GRM7: variants seen among roughly 807,000 people sequenced by gnomAD.
GRM7 encodes glutamate metabotropic receptor 7.
Under a neutral mutation model 84.5 loss-of-function variants are expected in GRM7, and 35 were observed. The ratio of observed to expected loss-of-function variants is 0.41; its 90% CI spans 0.32 to 0.55. The LOEUF (loss-of-function observed/expected upper bound fraction) is 0.55, where lower values mean the gene tolerates loss of function less well. Among genes scored for constraint, GRM7 ranks in the 20% least tolerant of loss-of-function variants. The probability of loss-of-function intolerance (pLI) is 0.19; values close to 1 mark genes in which losing one functional copy is unlikely to be tolerated. For missense variants in GRM7, 1,003 were observed against 1,194.6 expected (o/e 0.84, Z 2.36); for synonymous variants, 487 against 455.1 (o/e 1.07, Z -0.89).
chr3:7,316,010 CTCA>C (rs1334250809), intron 4 of GRM7, among the ~76,000 whole-genome samples: 1 of 152,060 alleles, frequency 6.6e-6, no homozygotes, highest in Non-Finnish European at 1.5e-5. Flanking sequence ...TCAAGATACT[CTCA>C]TCAAGATGTC....
At chr3:7,738,625 TG>T (rs1702581287) in intron 9 of GRM7, among the ~76,000 whole-genome samples, 1 of 152,238 alleles carries the variant, frequency 6.6e-6, no homozygotes, top group Non-Finnish European at 1.5e-5. Flanking sequence ...AATTCATTTT[TG>T]TTTTTACTAG....
intron 1 of GRM7, among the ~76,000 whole-genome samples, chr3:7,023,471 C>T (rs992933966): frequency 1.3e-5 from 2 of 152,086 alleles, no homozygotes. Flanking sequence ...GTTGGGGCAT[C>T]ATTTTCTGTG....
At chr3:6,944,041 C>T (rs1168952416) in intron 1 of GRM7, among the ~76,000 whole-genome samples, 1 of 151,874 alleles carries the variant, frequency 6.6e-6, no homozygotes, top group African/African-American at 2.4e-5. Flanking sequence ...TTTTGCAATT[C>T]TCATAAACTC....
chr3:7,572,505 G>T (rs1040730208), intron 7 of GRM7, among the ~76,000 whole-genome samples: 4 of 151,838 alleles, frequency 2.6e-5, no homozygotes, highest in African/African-American at 4.8e-5. Context: ...GATGCCCAGG[G>T]TCTACTGCAG....
chr3:7,695,678 A>G (rs1301047151), intron 9 of GRM7, among the ~76,000 whole-genome samples: 2 of 152,142 alleles, frequency 1.3e-5, no homozygotes, highest in Non-Finnish European at 1.5e-5. Context: ...TGATGTGGCC[A>G]TGTTGCCTAC....
chr3:7,222,776 T>A (rs1696853018), intron 2 of GRM7, among the ~76,000 whole-genome samples: 1 of 152,222 alleles, frequency 6.6e-6, no homozygotes. Flanking sequence ...ATCCTAGATT[T>A]GTTGGTTTAT....
chr3:7,423,978 C>T (rs1649407751), intron 5 of GRM7, among the ~76,000 whole-genome samples: 1 of 152,138 alleles, frequency 6.6e-6, no homozygotes, highest in East Asian at 1.9e-4. Context: ...ACACAATATT[C>T]AAGCTGCCTG....
At position 7,400,564 on chromosome 3, in the gene GRM7, T is replaced by G. The variant is rs1461239676; in HGVS notation, c.1034-14459T>G. 2.0e-5 allele frequency among the ~76,000 whole-genome samples: 3 copies of G among 152,292 alleles called. No individual in the cohort carries two copies. In the Middle Eastern group the frequency reaches 0.01, roughly 518 times the overall value. On this transcript the variant is annotated intron_variant, in intron 4 of 9. Coordinates refer to ENST00000357716, the MANE Select transcript of GRM7 (RefSeq NM_000844.4). ...CAAGTGATACAACCACCTCACCCTT[T>G]GTGCTTGCTGTAATTCTCCACTCTC...
At chr3:7,281,944 G>A (rs1236111171) in intron 2 of GRM7, among the ~76,000 whole-genome samples, 1 of 152,190 alleles carries the variant, frequency 6.6e-6, no homozygotes, top group Non-Finnish European at 1.5e-5. Flanking sequence ...TTAGCCGGGC[G>A]TGGCAGCGTG....
intron 9 of GRM7, among the ~76,000 whole-genome samples, chr3:7,703,394 T>C (rs997386209): frequency 3.9e-5 from 6 of 152,058 alleles, no homozygotes; most frequent in African/African-American, 1.2e-4. Context: ...TCGATGTTCT[T>C]ACTAAAAAAT....
rs3063449 is a variant in GRM7, at chr3:6,998,119, C to CAAAAAAA, written c.519+136226_519+136232dup. Among the ~76,000 whole-genome samples the CAAAAAAA allele has an allele frequency of 1.4e-3, 25 of 18,424 alleles. 5 individuals are homozygous for CAAAAAAA. The highest frequency in any genetic ancestry group is 2.6e-3 in the African/African-American group (14 of 5,458). 12.1% of individuals were successfully genotyped at this position (18,424 alleles called of 152,430 possible). A position where few individuals can be genotyped will look rare whatever the true frequency, so the allele number is the denominator to read the frequency against. ...GGGCAAAAACAGCAAATCTCCATCT[C>CAAAAAAA]AAAAAAAAAAAAAAAAAAAAGCAGG... On this transcript the variant is annotated intron_variant, in intron 1 of 9. Transcript: ENST00000357716.
At chr3:7,597,905 C>G (rs887016502) in intron 8 of GRM7, among the ~76,000 whole-genome samples, 5 of 152,126 alleles carry the variant, frequency 3.3e-5, no homozygotes, top group Non-Finnish European at 5.9e-5. Flanking sequence ...TGATGGACAA[C>G]AGATCTCTTG....
chr3:7,418,038 C>T (rs1462726066), intron 5 of GRM7, among the ~76,000 whole-genome samples: 1 of 152,122 alleles, frequency 6.6e-6, no homozygotes, highest in Non-Finnish European at 1.5e-5. Context: ...GTTCATACTT[C>T]ATAATTTTAC....
chr3:6,939,723 T>C (rs1218815163), intron 1 of GRM7, among the ~76,000 whole-genome samples: 2 of 152,160 alleles, frequency 1.3e-5, no homozygotes, highest in African/African-American at 4.8e-5. Context: ...TCCTGGTATT[T>C]ATTTTTTGTT....
At chr3:6,968,637 A>G (rs973808661) in intron 1 of GRM7, among the ~76,000 whole-genome samples, 18 of 152,166 alleles carry the variant, frequency 1.2e-4, no homozygotes, top group Non-Finnish European at 1.5e-5. Context: ...TCTCATTATC[A>G]TTATTTATTT....
intron 1 of GRM7, among the ~76,000 whole-genome samples, chr3:7,071,921 T>G (rs1697895345): frequency 6.6e-6 from 1 of 152,098 alleles, no homozygotes; most frequent in African/African-American, 2.4e-5. Flanking sequence ...TCCATTTTTC[T>G]TAATCTCAGA....
intron 1 of GRM7, among the ~76,000 whole-genome samples, chr3:6,938,534 C>T (rs956881254): frequency 6.6e-6 from 1 of 151,984 alleles, no homozygotes; most frequent in Non-Finnish European, 1.5e-5. Flanking sequence ...TGGATCACTG[C>T]GGTAGGCTTA....
At chr3:6,869,536 A>G (rs543987343) in intron 1 of GRM7, among the ~76,000 whole-genome samples, 2 of 133,370 alleles carry the variant, frequency 1.5e-5, no homozygotes, top group East Asian at 2.1e-4. Context: ...TCTTCTGCTG[A>G]ATTGAAAATT....
intron 2 of GRM7, among the ~76,000 whole-genome samples, chr3:7,275,940 C>T (rs527663630): frequency 1.4e-4 from 22 of 152,122 alleles, no homozygotes; most frequent in Non-Finnish European, 2.6e-4. Flanking sequence ...TCAGGTTTTC[C>T]TATCCCAGCA....
Sources: gnomAD v4.1 joint callset for allele counts (sites outside exome capture counted in the v4.1 genomes callset) on GRCh38, gnomAD v4.1.1 for gene constraint, MANE v1.5 for transcripts, NCBI Gene and HGNC (gene_info 2026-07-23, HGNC 2026-07-21) for gene names.